PDE4D: variants seen among roughly 807,000 people sequenced by gnomAD.
The protein encoded by PDE4D is phosphodiesterase 4D, also known as 3',5'-cyclic-AMP phosphodiesterase 4D.
A neutral mutation model predicts 87.4 loss-of-function variants in PDE4D; 24 were observed. The observed-to-expected ratio is 0.27, with a 90% CI of 0.20 to 0.39. The LOEUF is 0.39. Among genes scored for constraint, PDE4D ranks in the 10% least tolerant of loss-of-function variants. The pLI, the probability that PDE4D is intolerant of heterozygous loss-of-function variation, is 1.00. For missense variants in PDE4D, 714 were observed against 1,041.0 expected, an observed-to-expected ratio of 0.69 and a Z score of 4.32; for synonymous variants, 384 against 383.2, an observed-to-expected ratio of 1.00 and a Z score of -0.02.
intron 5 of PDE4D, among the ~76,000 whole-genome samples, chr5:59,065,978 C>A (rs1763864625): frequency 6.6e-6 from 1 of 151,992 alleles, no homozygotes; most frequent in Non-Finnish European, 1.5e-5. Flanking sequence ...CAAAGGTGGT[C>A]CCCATAAAAG....
intron 1 of PDE4D, among the ~76,000 whole-genome samples, chr5:60,203,536 G>C (rs1296850778): frequency 6.6e-6 from 1 of 152,154 alleles, no homozygotes; most frequent in East Asian, 1.9e-4. Context: ...ATTATGGGTG[G>C]CTTTTCTCCT....
At chr5:59,105,452 A>C (rs1771439479) in intron 5 of PDE4D, among the ~76,000 whole-genome samples, 1 of 152,188 alleles carries the variant, frequency 6.6e-6, no homozygotes, top group African/African-American at 2.4e-5. Context: ...AATTCTATTG[A>C]GAATCACAGA....
chr5:59,337,334 C>CA (rs1554136259), intron 1 of PDE4D, among the ~76,000 whole-genome samples: 6 of 143,830 alleles, frequency 4.2e-5, no homozygotes, highest in African/African-American at 1.6e-4. Context: ...CCCCCCCCCC[C>CA]ACCTTTTTTT....
intron 1 of PDE4D, among the ~76,000 whole-genome samples, chr5:59,380,454 T>C (rs1379318384): frequency 2.4e-5 from 3 of 124,706 alleles, no homozygotes; most frequent in African/African-American, 8.2e-5. Context: ...AAGAAAGACA[T>C]GTGGCTATTA....
At chr5:60,429,752 G>T (rs1013555943) in intron 1 of PDE4D, among the ~76,000 whole-genome samples, 2 of 151,546 alleles carry the variant, frequency 1.3e-5, no homozygotes, top group Non-Finnish European at 2.9e-5. Context: ...CCGTTCATGT[G>T]GTGAATCACA....
At chr5:59,063,801 G>A (rs959538743) in intron 5 of PDE4D, among the ~76,000 whole-genome samples, 2 of 152,158 alleles carry the variant, frequency 1.3e-5, no homozygotes, top group African/African-American at 4.8e-5. Flanking sequence ...GAGATAATCA[G>A]TTTTGTTTGG....
intron 2 of PDE4D, among the ~76,000 whole-genome samples, chr5:60,078,441 G>T (rs923041952): frequency 6.6e-6 from 1 of 151,628 alleles, no homozygotes; most frequent in Admixed American, 6.6e-5. Context: ...TAAAAAAAAC[G>T]GGATATATGC....
intron 5 of PDE4D, among the ~76,000 whole-genome samples, chr5:59,053,408 A>ACAC: frequency 7.9e-6 from 1 of 127,164 alleles, no homozygotes; most frequent in African/African-American, 3.1e-5. Flanking sequence ...CACACACACA[A>ACAC]TCTCTAGGGC....
chr5:58,990,836 G>T lies in PDE4D; in HGVS notation c.1255C>A (p.Pro419Thr). Residue 419 changes from proline (P) to threonine (T), a missense_variant, in exon 9 of 15, where the codon CCC (proline) becomes ACC (threonine). By Grantham distance (38) the Pro-to-Thr change is conservative (BLOSUM62 -1). Coordinates refer to ENST00000340635, the MANE Select transcript of PDE4D (RefSeq NM_001104631.2). Reference protein sequence around the residue: ...FRIAELSGNRPLTVIMHTIFQ... With the variant: ...FRIAELSGNRTLTVIMHTIFQ... ...ATGGTGTGCATGATAACAGTCAAGG[G>T]CCGGTTACCAGACAACTCTGCTATT... 1.9e-6 allele frequency: 3 copies of T among 1,603,182 alleles called. No homozygotes were observed. The highest frequency in any genetic ancestry group is 2.6e-6 in the Non-Finnish European group (3 of 1,173,632).
At position 60,038,048 on chromosome 5, in the gene PDE4D, C is replaced by G. The variant is rs572485484; in HGVS notation, c.43-49331G>C. ...TTAAAAAATATAGATGAGTAGGTCG[C>G]GAAAATTTTCTCCCATTTTGTAGGT... is the stretch of plus-strand genomic sequence containing the variant. On this transcript the variant is annotated intron_variant, in intron 2 of 16. Coordinates refer to the PDE4D transcript ENST00000502484. Among the ~76,000 whole-genome samples the G allele has an allele frequency of 9.2e-5, 14 of 152,148 alleles. No homozygotes were observed. The South Asian group carries it at 2.7e-3, about 29-fold the overall frequency.
At chr5:59,469,960 A>T (rs956028322) in intron 1 of PDE4D, among the ~76,000 whole-genome samples, 2 of 152,180 alleles carry the variant, frequency 1.3e-5, no homozygotes, top group African/African-American at 4.8e-5. Context: ...TGACCACGCC[A>T]GAAAGGCATT....
chr5:59,574,616 A>G (rs191035025), intron 1 of PDE4D, among the ~76,000 whole-genome samples: 85 of 152,310 alleles, frequency 5.6e-4, no homozygotes, highest in Non-Finnish European at 1.1e-3. Context: ...GTTAAGAGAG[A>G]GAGGTATGAA....
intron 1 of PDE4D, among the ~76,000 whole-genome samples, chr5:59,488,687 T>C (rs1212812068): frequency 2.0e-5 from 3 of 151,744 alleles, no homozygotes; most frequent in Admixed American, 1.3e-4. Flanking sequence ...TTTTTTTTTT[T>C]TTGAGGGGGG....
intron 1 of PDE4D, among the ~76,000 whole-genome samples, chr5:60,260,230 T>G (rs1281147688): frequency 2.0e-5 from 3 of 151,892 alleles, no homozygotes; most frequent in African/African-American, 7.3e-5. Flanking sequence ...ACACATCTGA[T>G]AGTGATAAAC....
intron 1 of PDE4D, among the ~76,000 whole-genome samples, chr5:59,482,233 GCA>G (rs1804402501): frequency 6.6e-6 from 1 of 152,012 alleles, no homozygotes; most frequent in South Asian, 2.1e-4. Flanking sequence ...CTATTCTAGA[GCA>G]TTACATATTT....
chr5:59,939,777 T>C (rs529763406), intron 3 of PDE4D, among the ~76,000 whole-genome samples: 2 of 152,204 alleles, frequency 1.3e-5, no homozygotes, highest in East Asian at 3.9e-4. Flanking sequence ...TAGAGGACCT[T>C]GTAGGCCAAC....
At position 58,971,810 on chromosome 5, in the gene PDE4D, T is replaced by C. The variant is rs994630053; in HGVS notation, c.*2854A>G. The C allele has an allele frequency of 6.6e-6, 1 of 152,642 alleles. No individual in the cohort carries two copies. The highest frequency in any genetic ancestry group is 2.4e-5 in the African/African-American group (1 of 41,460). 9.5% of individuals were successfully genotyped at this position (152,642 alleles called of 1,614,324 possible). ...GGCATTTTAGGAAATGTAAAGCCAC[T>C]TGTAAAAGGATATTCTTTTATTCTT... On this transcript the variant is annotated 3_prime_UTR_variant, in exon 15 of 15. Transcript: ENST00000340635.
intron 1 of PDE4D, among the ~76,000 whole-genome samples, chr5:59,632,752 G>A (rs1237886730): frequency 6.6e-6 from 1 of 152,164 alleles, no homozygotes; most frequent in Admixed American, 6.5e-5. Context: ...AAAGAACAAA[G>A]GTAGATAAAT....
chr5:59,768,238 A>AG, intron 1 of PDE4D: 1 of 1,598,058 alleles, frequency 6.3e-7, no homozygotes, highest in African/African-American at 1.3e-5. Context: ...AGGTCTGCGC[A>AG]AACCTTACCA....
Sources: allele counts gnomAD v4.1 joint callset (sites outside exome capture counted in the v4.1 genomes callset), GRCh38; gene constraint gnomAD v4.1.1; transcripts MANE v1.5; gene names NCBI Gene and HGNC (gene_info 2026-07-23, HGNC 2026-07-21).